GRM4: variants seen among roughly 807,000 people sequenced by gnomAD.
The protein encoded by GRM4 is glutamate metabotropic receptor 4.
GRM4 carries 28 observed loss-of-function variants against 81.7 expected under a neutral mutation model. The observed-to-expected ratio is 0.34, with a 90% CI of 0.25 to 0.47. The LOEUF is 0.47. Ranked by LOEUF, GRM4 falls within the 20% of genes least tolerant of loss-of-function variation. The pLI is 1.00. For missense variants in GRM4, 948 were observed against 1,290.0 expected (o/e 0.73, Z 4.06); for synonymous variants, 488 against 528.8 (o/e 0.92, Z 1.06).
At chr6:34,044,795 C>A (rs1765271158) in intron 6 of GRM4, among the ~76,000 whole-genome samples, 3 of 150,882 alleles carry the variant, frequency 2.0e-5, no homozygotes, top group Admixed American at 1.3e-4. Context: ...CACAGACATA[C>A]ATACATACAC....
chr6:34,142,994 A>G (rs771044857), intron 1 of GRM4, among the ~76,000 whole-genome samples: 3 of 152,104 alleles, frequency 2.0e-5, no homozygotes, highest in Non-Finnish European at 2.9e-5. Flanking sequence ...CTAAGAATCC[A>G]TGAGTAGGGT....
chr6:34,045,317 C>T (rs1489658137), intron 6 of GRM4, among the ~76,000 whole-genome samples: 1 of 152,238 alleles, frequency 6.6e-6, no homozygotes, highest in Non-Finnish European at 1.5e-5. Context: ...TCATGCTTAC[C>T]CAGAGCCATC....
intron 2 of GRM4, among the ~76,000 whole-genome samples, chr6:34,103,082 C>A (rs959113694): frequency 3.9e-5 from 6 of 152,218 alleles, no homozygotes; most frequent in Non-Finnish European, 5.9e-5. Context: ...CACCCTGTCC[C>A]CCACTGACAC....
rs1763806948 is a variant in GRM4 at position 34,019,816 on chromosome 6, G to A, written c.*3005C>T. On this transcript the variant is annotated 3_prime_UTR_variant, in exon 11 of 11. Coordinates refer to ENST00000538487, the MANE Select transcript of GRM4 (RefSeq NM_000841.4). ...AATAATTGAGGATGAGAGCAAAGGTGAGCAGCCAAGCCAATTGTGAAGGGC... is the reference window on the plus strand; with the variant it reads ...AATAATTGAGGATGAGAGCAAAGGTAAGCAGCCAAGCCAATTGTGAAGGGC... The A allele has an allele frequency of 6.6e-6, 1 of 152,172 alleles. No homozygotes were observed. The highest frequency in any genetic ancestry group is 1.5e-5 in the Non-Finnish European group (1 of 68,064). 9.4% of individuals were successfully genotyped at this position (152,172 alleles called of 1,614,324 possible).
intron 2 of GRM4, 105 bp downstream of exon 2, chr6:34,132,873 A>G (rs1770298753): frequency 1.1e-6 from 1 of 919,044 alleles, no homozygotes; most frequent in Non-Finnish European, 1.7e-6. Context: ...GAGTGAGGAA[A>G]AAAGGAGGAA....
At chr6:34,050,751 T>C (rs1336440852) in intron 6 of GRM4, among the ~76,000 whole-genome samples, 3 of 152,124 alleles carry the variant, frequency 2.0e-5, no homozygotes, top group Admixed American at 2.0e-4. Flanking sequence ...GGCTCTGCCT[T>C]CTCCACCCTC....
At chr6:34,143,068 C>T (rs1770759897) in intron 1 of GRM4, among the ~76,000 whole-genome samples, 1 of 152,164 alleles carries the variant, frequency 6.6e-6, no homozygotes, top group Non-Finnish European at 1.5e-5. Flanking sequence ...TGCAGATGCC[C>T]CTGGAAAGGG....
At chr6:34,052,850 T>G (rs1299411615) in intron 6 of GRM4, among the ~76,000 whole-genome samples, 1 of 152,208 alleles carries the variant, frequency 6.6e-6, no homozygotes, top group Non-Finnish European at 1.5e-5. Context: ...AGCTCTGTGA[T>G]AGTCACAAGT....
chr6:34,133,879 G>C lies in GRM4; in HGVS notation c.-363-20C>G. The C allele has an allele frequency of 9.8e-7, 1 of 1,020,438 alleles. No individual in the cohort carries two copies. Among genetic ancestry groups the C allele is most frequent in the Non-Finnish European group, 1.2e-6 (1 of 850,316 alleles). 63.2% of individuals were successfully genotyped at this position (1,020,438 alleles called of 1,614,324 possible). On this transcript the variant is annotated intron_variant, in intron 1 of 10. Coordinates refer to ENST00000538487, the MANE Select transcript of GRM4 (RefSeq NM_000841.4). The surrounding 1 kb of genome is among the most constrained non-coding windows in gnomAD (Gnocchi z 6.5). ...ACCAACCTTAGAAGGGGAAGAGAGAGAGAGAATATCAAACAGAAGCCCAAA... is the reference window on the plus strand; with the variant it reads ...ACCAACCTTAGAAGGGGAAGAGAGACAGAGAATATCAAACAGAAGCCCAAA...
At chr6:34,044,677 CACACACAG>C (rs1483997691) in intron 6 of GRM4, among the ~76,000 whole-genome samples, 1 of 149,510 alleles carries the variant, frequency 6.7e-6, no homozygotes, top group African/African-American at 2.5e-5. Flanking sequence ...CACAGACACA[CACACACAG>C]ACATACATAC....
At chr6:34,045,473 A>T (rs9469693) in intron 6 of GRM4, among the ~76,000 whole-genome samples, 37,681 of 152,100 alleles carry the variant, frequency 0.25, 5,426 homozygotes, top group African/African-American at 0.39. Flanking sequence ...TTTGACACAT[A>T]CCTGTAGATG....
chr6:34,071,258 A>G (rs899882830), intron 3 of GRM4, among the ~76,000 whole-genome samples: 10 of 150,708 alleles, frequency 6.6e-5, no homozygotes, highest in Admixed American at 2.7e-4. Flanking sequence ...CACCACACAC[A>G]TACACACACA....
chr6:34,062,051 T>C, intron 3 of GRM4, 23 bp from the exon 4 acceptor site: 9 of 1,596,952 alleles, frequency 5.6e-6, no homozygotes, highest in Non-Finnish European at 7.7e-6. Flanking sequence ...CACCAGTTAG[T>C]TGGGGTGGGC....
At chr6:34,075,298 T>C (rs148039297) in intron 3 of GRM4, among the ~76,000 whole-genome samples, 1 of 152,190 alleles carries the variant, frequency 6.6e-6, no homozygotes, top group South Asian at 2.1e-4. Flanking sequence ...GAGGAGGTCA[T>C]AAATCGCTTT....
At chr6:34,141,224 G>C (rs771982351) in intron 1 of GRM4, among the ~76,000 whole-genome samples, 3 of 152,158 alleles carry the variant, frequency 2.0e-5, no homozygotes, top group Non-Finnish European at 4.4e-5. Context: ...TCCCATGCTG[G>C]TGGCCCAGCC....
chr6:34,102,190 A>G lies in GRM4; in HGVS notation c.520-10091T>C, dbSNP rs58479795. 6.8e-3 allele frequency: 10,351 copies of G among 1,526,460 alleles called. 265 individuals are homozygous for G. The African/African-American group carries it at 0.074, about 11-fold the overall frequency. The allele number at this position is 1,526,460 out of a possible 1,614,324, so 94.6% of individuals were successfully genotyped here. A position where few individuals can be genotyped will look rare whatever the true frequency, so the allele number is the denominator to read the frequency against. On this transcript the variant is annotated intron_variant, in intron 2 of 10. Coordinates refer to ENST00000538487, the MANE Select transcript of GRM4 (RefSeq NM_000841.4). ...GACAGGAGCAATAATAGGTCTCCCCACTTCCTGCAAAATTCACACACCAGC... is the reference window on the plus strand; with the variant it reads ...GACAGGAGCAATAATAGGTCTCCCCGCTTCCTGCAAAATTCACACACCAGC...
intron 2 of GRM4, chr6:34,102,106 A>G: frequency 6.5e-7 from 1 of 1,535,520 alleles, no homozygotes; most frequent in Non-Finnish European, 8.7e-7. Context: ...ATAGCTTGGG[A>G]AGAGTTTGCA....
At position 34,111,590 on chromosome 6, in the gene GRM4, C is replaced by G. The variant is rs941196919; in HGVS notation, c.520-19491G>C. Among the ~76,000 whole-genome samples the G allele has an allele frequency of 6.6e-6, 1 of 152,200 alleles. No individual in the cohort carries two copies. The highest frequency in any genetic ancestry group is 2.4e-5 in the African/African-American group (1 of 41,430). Reference sequence around the variant, plus strand: ...GAGAGTGCTGTCCCCCATCCACACCCCGGCAGGGGACAGCTTTCTGCAGGG... The same window carrying G: ...GAGAGTGCTGTCCCCCATCCACACCGCGGCAGGGGACAGCTTTCTGCAGGG... On this transcript the variant is annotated intron_variant, in intron 2 of 10. Transcript: ENST00000538487. This position sits in a 1 kb window ranked among gnomAD's most constrained non-coding sequence, Gnocchi z 5.1.
At chr6:34,095,086 G>A (rs569803617) in intron 2 of GRM4, among the ~76,000 whole-genome samples, 3 of 152,342 alleles carry the variant, frequency 2.0e-5, no homozygotes, top group South Asian at 2.1e-4. Flanking sequence ...AGAGGGTGGG[G>A]GGCCAAGCAT....
Sources: gnomAD v4.1 joint callset for allele counts (sites outside exome capture counted in the v4.1 genomes callset) on GRCh38, gnomAD v4.1.1 for gene constraint, Gnocchi (gnomAD v3.1) non-coding constraint, MANE v1.5 for transcripts, NCBI Gene and HGNC (gene_info 2026-07-23, HGNC 2026-07-21) for gene names.